The following ROBO2 variants were observed in gnomAD, a reference collection of about 807,000 sequenced individuals.
ROBO2 encodes the protein roundabout guidance receptor 2, also known as roundabout homolog 2.
In ROBO2, 53 loss-of-function variants were observed where a neutral mutation model predicts 160.8. The ratio of observed to expected loss-of-function variants is 0.33; its 90% CI spans 0.26 to 0.41. ROBO2 has a LOEUF of 0.41. Ranked by LOEUF, ROBO2 falls within the 10% of genes least tolerant of loss-of-function variation. The pLI is 1.00. For missense variants in ROBO2, 1,577 were observed against 1,722.4 expected (o/e 0.92, Z 1.49); for synonymous variants, 664 against 611.7 (o/e 1.09, Z -1.26).
At chr3:76,839,551 G>A (rs754735667) in intron 2 of ROBO2, among the ~76,000 whole-genome samples, 19 of 152,160 alleles carry the variant, frequency 1.2e-4, no homozygotes, top group Non-Finnish European at 1.2e-4. Context: ...TTAGTGTATT[G>A]TCGAATTCAT....
At chr3:77,190,425 A>G (rs1441892156) in intron 2 of ROBO2, among the ~76,000 whole-genome samples, 1 of 152,044 alleles carries the variant, frequency 6.6e-6, no homozygotes, top group East Asian at 1.9e-4. Context: ...ATATTGTCTG[A>G]GTGCTCTATA....
At chr3:76,273,798 G>C (rs1330535058) in intron 2 of ROBO2, among the ~76,000 whole-genome samples, 3 of 152,140 alleles carry the variant, frequency 2.0e-5, no homozygotes, top group African/African-American at 7.2e-5. Context: ...GGGATTATGG[G>C]AACTACAATT....
intron 2 of ROBO2, among the ~76,000 whole-genome samples, chr3:76,162,812 C>T (rs896761321): frequency 7.2e-5 from 11 of 152,006 alleles, no homozygotes; most frequent in Non-Finnish European, 1.6e-4. Context: ...TATTAGACAT[C>T]CCTATACTAC....
At chr3:77,013,758 A>G (rs890834063) in intron 2 of ROBO2, among the ~76,000 whole-genome samples, 1 of 152,224 alleles carries the variant, frequency 6.6e-6, no homozygotes, top group African/African-American at 2.4e-5. Context: ...GAGGAGGTGT[A>G]GTTAGAAATG....
chr3:77,316,716 A>G, intron 2 of ROBO2: 1 of 864,826 alleles, frequency 1.2e-6, no homozygotes, highest in Non-Finnish European at 2.0e-6. Flanking sequence ...GCTATGCTGC[A>G]AAATAGTTTA....
intron 12 of ROBO2, 30 bp from the exon 14 acceptor site, chr3:77,568,283 G>A (rs1559630790): frequency 6.2e-7 from 1 of 1,611,166 alleles, no homozygotes; most frequent in Non-Finnish European, 8.5e-7. Context: ...AATTTTTAAA[G>A]GTGGGAATGA....
intron 6 of ROBO2, 39 bp from the exon 7 acceptor site, chr3:77,527,364 C>T: frequency 1.6e-6 from 2 of 1,279,800 alleles, no homozygotes; most frequent in South Asian, 1.3e-5. Flanking sequence ...TTTTTAATTT[C>T]TTTTTTATGT....
intron 2 of ROBO2, among the ~76,000 whole-genome samples, chr3:77,279,421 G>A (rs1312532785): frequency 6.6e-6 from 1 of 152,072 alleles, no homozygotes; most frequent in Admixed American, 6.6e-5. Flanking sequence ...TAACAAATTA[G>A]CATTTGAAAA....
chr3:77,310,713 T>C (rs972425051), intron 2 of ROBO2, among the ~76,000 whole-genome samples: 14 of 152,070 alleles, frequency 9.2e-5, no homozygotes, highest in Non-Finnish European at 1.8e-4. Context: ...AGAACAGTTA[T>C]CCAATATCCT....
At chr3:76,894,476 C>T (rs1259591725) in intron 2 of ROBO2, among the ~76,000 whole-genome samples, 1 of 152,062 alleles carries the variant, frequency 6.6e-6, no homozygotes, top group Admixed American at 6.6e-5. Flanking sequence ...AATAATTTCT[C>T]ATTGTGATTA....
intron 2 of ROBO2, among the ~76,000 whole-genome samples, chr3:76,948,896 ATATATATATATATT>A (rs1214280133): frequency 7.1e-5 from 2 of 28,274 alleles, no homozygotes; most frequent in African/African-American, 3.1e-4. Flanking sequence ...ATATATATAT[ATATATATATATATT>A]TTTTTTTTTT....
At chr3:76,201,413 G>C (rs1441427052) in intron 2 of ROBO2, among the ~76,000 whole-genome samples, 1 of 152,088 alleles carries the variant, frequency 6.6e-6, no homozygotes, top group East Asian at 1.9e-4. Flanking sequence ...CCTTAGTTAA[G>C]AGGATGAAGA....
intron 2 of ROBO2, among the ~76,000 whole-genome samples, chr3:77,113,003 T>G (rs1201572400): frequency 6.6e-6 from 1 of 152,238 alleles, no homozygotes. Context: ...CACTTTCCTA[T>G]ACACAAGGAA....
At chr3:77,166,668 C>G (rs1002031942) in intron 2 of ROBO2, among the ~76,000 whole-genome samples, 2 of 152,176 alleles carry the variant, frequency 1.3e-5, no homozygotes, top group Non-Finnish European at 1.5e-5. Context: ...CCGCCATTCT[C>G]CTGCCTCAGC....
At chr3:76,342,998 A>G (rs2074321156) in intron 2 of ROBO2, among the ~76,000 whole-genome samples, 1 of 152,076 alleles carries the variant, frequency 6.6e-6, no homozygotes, top group African/African-American at 2.4e-5. Flanking sequence ...AAATGTTGAT[A>G]GTTGTGATTC....
At chr3:76,762,258 GAAC>G (rs2061346886) in intron 2 of ROBO2, among the ~76,000 whole-genome samples, 2 of 151,364 alleles carry the variant, frequency 1.3e-5, no homozygotes, top group Admixed American at 1.3e-4. Context: ...ATTTTAGGGT[GAAC>G]AACATGTTGC....
chr3:77,467,628 TATC>T lies in ROBO2; in HGVS notation c.389-9782_389-9780del, dbSNP rs1439980067. Among the ~76,000 whole-genome samples, 3 of 142,122 alleles carry T rather than the reference TATC, an allele frequency of 2.1e-5. No homozygotes were observed. In the East Asian group the frequency reaches 6.2e-4, roughly 30 times the overall value. The allele number at this position is 142,122 out of a possible 152,430, so 93.2% of individuals were successfully genotyped here. A position where few individuals can be genotyped will look rare whatever the true frequency, so the allele number is the denominator to read the frequency against. On this transcript the variant is annotated intron_variant, in intron 2 of 25. Coordinates refer to ENST00000461745, the Ensembl canonical transcript of ROBO2. ...CTATCTATCTATCTATCTATCTATC[TATC>T]ATCTATCTATCTATTTATATATCTA...
At chr3:76,888,670 T>A (rs968124487) in intron 2 of ROBO2, among the ~76,000 whole-genome samples, 1 of 152,186 alleles carries the variant, frequency 6.6e-6, no homozygotes, top group East Asian at 1.9e-4. Context: ...GTCTTTACCA[T>A]TGATGAATCA....
At chr3:76,694,232 CT>C (rs1245174366) in intron 2 of ROBO2, among the ~76,000 whole-genome samples, 1 of 152,088 alleles carries the variant, frequency 6.6e-6, no homozygotes, top group East Asian at 1.9e-4. Flanking sequence ...GGGCGTTTTT[CT>C]TTATTCCAAA....
Sources: allele counts gnomAD v4.1 joint callset (sites outside exome capture counted in the v4.1 genomes callset), GRCh38; gene constraint gnomAD v4.1.1; transcripts MANE v1.5; gene names NCBI Gene and HGNC (gene_info 2026-07-23, HGNC 2026-07-21).